Variants in MINDY1 observed in about 807,000 individuals in gnomAD.
The protein encoded by MINDY1 is ubiquitin carboxyl-terminal hydrolase MINDY-1.
In MINDY1, 50 loss-of-function variants were observed where a neutral mutation model predicts 53.6. The observed-to-expected ratio is 0.93, with a 90% CI of 0.74 to 1.18. MINDY1 has a LOEUF of 1.18. Among genes scored for constraint, MINDY1 ranks in the 50% most tolerant of loss-of-function variants. The pLI, the probability that MINDY1 is intolerant of heterozygous loss-of-function variation, is 0.00. For synonymous variants in MINDY1, 231 were observed against 234.7 expected (o/e 0.98, Z 0.14); for missense variants, 484 against 578.6 (o/e 0.84, Z 1.68).
In MINDY1 at chr1:150,997,607, C is replaced by T. The variant is rs1481695870; in HGVS notation, c.1329+17G>A. ...GAGGTGGAAACCGGGAGTGTGGGCG[C>T]CCAGGCAGCAGCCCACCTGCAGTGA... On this transcript the variant is annotated intron_variant, in intron 9 of 9. Coordinates refer to ENST00000683666, the MANE Select transcript of MINDY1 (RefSeq NM_001376665.1). 3 of 1,604,984 alleles carry T rather than the reference C, an allele frequency of 1.9e-6. No homozygotes were observed. The highest frequency in any genetic ancestry group is 1.7e-6 in the Non-Finnish European group (2 of 1,179,954).
chr1:151,006,170 TCTC>T, intron 1 of MINDY1, 139 bp downstream of exon 1: 1 of 1,551,486 alleles, frequency 6.4e-7, no homozygotes, highest in East Asian at 2.4e-5. Flanking sequence ...TTTACATGTC[TCTC>T]CTGACTTAGC....
In MINDY1 at chr1:151,000,520, G is replaced by A. The variant is rs142093888; in HGVS notation, c.672C>T (p.Pro224=). Residue 224 remains proline, a synonymous_variant, in exon 5 of 10, where the codon CCC becomes CCT. Coordinates refer to ENST00000683666, the MANE Select transcript of MINDY1 (RefSeq NM_001376665.1). ...FTGVSDFEYT[P]ECSVFDLLGI... ...CTAGCAGGTCAAAGACACTGCACTC[G>A]GGTGTATACTCAAAATCAGAGACGC... The A allele has an allele frequency of 5.7e-5, 92 of 1,613,940 alleles. No individual in the cohort carries two copies. In the African/African-American group the frequency reaches 8.0e-4, roughly 14 times the overall value.
rs747725996 is a variant in MINDY1 at position 151,002,954 on chromosome 1, G to A, written c.-89-248C>T. On this transcript the variant is annotated intron_variant, in intron 1 of 9. Transcript: ENST00000683666. The surrounding 1 kb of genome is among the most constrained non-coding windows in gnomAD (Gnocchi z 4.1). ...AAGACTGGTGGGATTGAACACATGG[G>A]TGGAGTCAGCTTCCCTGAAACAGAT... The A allele has an allele frequency of 1.2e-5, 15 of 1,298,078 alleles. No homozygotes were observed. Among genetic ancestry groups the A allele is most frequent in the Non-Finnish European group, 1.4e-5 (14 of 1,019,984 alleles). 80.4% of individuals were successfully genotyped at this position (1,298,078 alleles called of 1,614,324 possible).
intron 1 of MINDY1, chr1:151,003,003 C>A: frequency 8.5e-7 from 1 of 1,169,654 alleles, no homozygotes; most frequent in Non-Finnish European, 1.1e-6. Context: ...GGAGGAAAGA[C>A]AGAGAGAAAG....
intron 2 of MINDY1, 23 bp from the exon 3 acceptor site, chr1:151,001,805 C>T (rs375482038): frequency 3.9e-5 from 62 of 1,575,334 alleles, no homozygotes; most frequent in Non-Finnish European, 5.0e-5. Flanking sequence ...GGGGTGATCA[C>T]GTGTGTGCTT....
At chr1:151,003,408 A>G (rs1672791625) in intron 1 of MINDY1, among the ~76,000 whole-genome samples, 2 of 152,006 alleles carry the variant, frequency 1.3e-5, no homozygotes, top group Non-Finnish European at 1.5e-5. Flanking sequence ...ACCACAGTAT[A>G]AAGGCCTTGG....
Position 150,998,070 on chromosome 1 carries a change from T to C in MINDY1, c.1173+12A>G. Reference sequence around the variant, plus strand: ...ATGTGCTCTCTGCACTTTTCCTAAGTGCCCTACACACCTGGTCTACCTGCA... The same window carrying C: ...ATGTGCTCTCTGCACTTTTCCTAAGCGCCCTACACACCTGGTCTACCTGCA... On this transcript the variant is annotated intron_variant, in intron 8 of 9. Coordinates refer to ENST00000683666, the MANE Select transcript of MINDY1 (RefSeq NM_001376665.1). The C allele has an allele frequency of 6.2e-7, 1 of 1,600,522 alleles. No homozygotes were observed. Among genetic ancestry groups the C allele is most frequent in the Non-Finnish European group, 8.5e-7 (1 of 1,175,644 alleles).
chr1:151,000,998 C>A (rs2102843999), intron 4 of MINDY1, among the ~76,000 whole-genome samples: 1 of 152,118 alleles, frequency 6.6e-6, no homozygotes, highest in South Asian at 2.1e-4. Flanking sequence ...ATTATGTTGC[C>A]CAGGCTGGCC....
intron 4 of MINDY1, among the ~76,000 whole-genome samples, chr1:151,000,896 A>G (rs1453704879): frequency 2.0e-5 from 3 of 152,014 alleles, no homozygotes; most frequent in African/African-American, 7.3e-5. Context: ...CTCCCACCTC[A>G]GCCTCCTGAG....
chr1:151,001,846 T>C lies in MINDY1; in HGVS notation c.454-64A>G. ...CAAAGAGCACTGAAGGAAGAACCCA[T>C]GGAAAGGCAAGGGGGAGCTCCAGTA... On this transcript the variant is annotated intron_variant, in intron 2 of 9. Transcript: ENST00000683666. 35 of 1,538,270 alleles carry C rather than the reference T, an allele frequency of 2.3e-5. No individual in the cohort carries two copies. The South Asian group carries it at 4.1e-4, about 18-fold the overall frequency.
Position 151,001,741 on chromosome 1 carries a change from C to T in MINDY1, c.495G>A (p.Glu165=), listed in dbSNP as rs762401255. 5 of 1,610,602 alleles carry T rather than the reference C, an allele frequency of 3.1e-6. No homozygotes were observed. The highest frequency in any genetic ancestry group is 2.2e-5 in the South Asian group (2 of 90,546). The change falls in exon 3 of 10, where the codon GAG becomes GAA. Residue 165 remains glutamate (E), a synonymous_variant. Coordinates refer to ENST00000683666, the MANE Select transcript of MINDY1 (RefSeq NM_001376665.1). Reference sequence around the variant, plus strand: ...GTCACTCACCAAGATGGGCCATGAGCTCATCCGATGTGATCACTTCCTTCT... The same window carrying T: ...GTCACTCACCAAGATGGGCCATGAGTTCATCCGATGTGATCACTTCCTTCT... ...PPQKEVITSD[E]LMAHLGNCLL...
chr1:151,006,672 C>T lies in MINDY1; in HGVS notation c.-450G>A, dbSNP rs994401267. On this transcript the variant is annotated 5_prime_UTR_variant, in exon 1 of 10. Transcript: ENST00000683666. ...AAAGGAAGTTTGTGGTTTTTCTTTTCTTCTCTCTCTCTTTTTTGTTCTCAT... is the reference window on the plus strand; with the variant it reads ...AAAGGAAGTTTGTGGTTTTTCTTTTTTTCTCTCTCTCTTTTTTGTTCTCAT... 9.1e-6 allele frequency: 9 copies of T among 985,984 alleles called. No homozygotes were observed. Among genetic ancestry groups the T allele is most frequent in the African/African-American group, 3.5e-5 (2 of 57,224 alleles). 61.1% of individuals were successfully genotyped at this position (985,984 alleles called of 1,614,324 possible).
chr1:151,001,876 G>A (rs1428469604), intron 2 of MINDY1, 94 bp from the exon 3 acceptor site: 1 of 1,377,308 alleles, frequency 7.3e-7, no homozygotes, highest in Non-Finnish European at 9.8e-7. Context: ...CCAGTAGTAG[G>A]GTGGGGTAGG....
chr1:150,998,024 G>A (rs1672043215), intron 8 of MINDY1, 58 bp downstream of exon 8: 1 of 1,527,362 alleles, frequency 6.5e-7, no homozygotes, highest in Admixed American at 2.0e-5. Flanking sequence ...AATGTATGCA[G>A]TAAAAAGCTC....
At chr1:151,001,337 A>G (rs749136435) in intron 3 of MINDY1, 23 bp from the exon 4 acceptor site, 15 of 1,613,064 alleles carry the variant, frequency 9.3e-6, no homozygotes, top group Non-Finnish European at 1.3e-5. Context: ...GCCCCTTATC[A>G]GCTTACCCCA....
upstream of MINDY1, chr1:151,008,157 G>T: frequency 1.2e-6 from 1 of 811,434 alleles, no homozygotes; most frequent in Non-Finnish European, 1.5e-6. Context: ...GTCACCAGAT[G>T]CTCGGTGTGA....
Position 150,999,501 on chromosome 1 carries a change from T to C in MINDY1, c.849A>G (p.Ala283=). The C allele has an allele frequency of 2.5e-6, 4 of 1,613,862 alleles. No individual in the cohort carries two copies. Among genetic ancestry groups the C allele is most frequent in the Non-Finnish European group, 3.4e-6 (4 of 1,179,942 alleles). The change falls in exon 7 of 10, where the codon GCA becomes GCG. Residue 283 remains alanine, a synonymous_variant. Coordinates refer to ENST00000683666, the MANE Select transcript of MINDY1 (RefSeq NM_001376665.1). This position sits in a 1 kb window ranked among gnomAD's most constrained non-coding sequence, Gnocchi z 4.4. The part of the protein sequence containing the change: ...DTNLVTEGLI[A]EQFLETTAAQ... ...CCGCGGTGGTCTCCAGGAACTGCTC[T>C]GCAATCAGGCCTGCCAGAAAGGGAC... is the stretch of plus-strand genomic sequence containing the variant.
In MINDY1 at chr1:150,999,521, A is replaced by T; in HGVS notation, c.839-10T>A. 6.2e-7 allele frequency: 1 copy of T among 1,613,616 alleles called. No homozygotes were observed. ...TGCTCTGCAATCAGGCCTGCCAGAA[A>T]GGGACGAGTCGGGGGAAACTTGGCT... is the stretch of plus-strand genomic sequence containing the variant. On this transcript the variant is annotated splice_polypyrimidine_tract_variant and intron_variant, in intron 6 of 9. Transcript: ENST00000683666. The surrounding 1 kb of genome is among the most constrained non-coding windows in gnomAD (Gnocchi z 4.4).
At position 150,999,865 on chromosome 1, in the gene MINDY1, C is replaced by T; in HGVS notation, c.835G>A (p.Glu279Lys). The change falls in exon 6 of 10, where the codon GAA (glutamate) becomes AAA (lysine). Residue 279 changes from glutamate (E) to lysine (K), a missense_variant. Glu to Lys is a moderately conservative substitution (Grantham distance 56). Transcript: ENST00000683666. This position sits in a 1 kb window ranked among gnomAD's most constrained non-coding sequence, Gnocchi z 4.4. ...ATGAGAAGGGGAGGAATGTCACCTT[C>T]TGTCACGAGGTTGGTGTCACTGGAG... The part of the protein sequence containing the change: ...KHSSDTNLVT[E>K]GLIAEQFLET... 4 of 1,613,544 alleles carry T rather than the reference C, an allele frequency of 2.5e-6. No individual in the cohort carries two copies. Among genetic ancestry groups the T allele is most frequent in the Non-Finnish European group, 2.5e-6 (3 of 1,179,586 alleles).
Sources: allele counts gnomAD v4.1 joint callset (sites outside exome capture counted in the v4.1 genomes callset), GRCh38; gene constraint gnomAD v4.1.1; non-coding constraint Gnocchi (gnomAD v3.1); transcripts MANE v1.5; gene names NCBI Gene and HGNC (gene_info 2026-07-23, HGNC 2026-07-21).